Variants in TRPC4 observed in about 807,000 individuals in gnomAD.
TRPC4 encodes short transient receptor potential channel 4.
A neutral mutation model predicts 99.4 loss-of-function variants in TRPC4; 49 were observed. The ratio of observed to expected loss-of-function variants is 0.49; its 90% CI spans 0.39 to 0.63. TRPC4 has a LOEUF of 0.63. Among genes scored for constraint, TRPC4 ranks in the 20% least tolerant of loss-of-function variants. TRPC4 has a pLI of 0.00. For synonymous variants in TRPC4, 454 were observed against 425.9 expected (o/e 1.07, Z -0.81); for missense variants, 898 against 1,152.9 (o/e 0.78, Z 3.20).
At chr13:37,779,770 T>C (rs1704567359) in intron 2 of TRPC4, among the ~76,000 whole-genome samples, 1 of 152,098 alleles carries the variant, frequency 6.6e-6, no homozygotes, top group Non-Finnish European at 1.5e-5. Context: ...AAACTACGCA[T>C]GTCCAATTTG....
At position 37,637,436 on chromosome 13, in the gene TRPC4, T is replaced by C; in HGVS notation, c.2401A>G (p.Thr801Ala). 8 of 1,613,680 alleles carry C rather than the reference T, an allele frequency of 5.0e-6. No individual in the cohort carries two copies. Among genetic ancestry groups the C allele is most frequent in the Non-Finnish European group, 6.8e-6 (8 of 1,179,804 alleles). ...KKNFSLFDLT[T>A]LIHPRSAAIA... The stretch of plus-strand genomic sequence containing the variant: ...GCTGCTGATCTCGGATGAATCAGGG[T>C]GGTTAAATCAAAAAGGCTGAAATTC... Residue 801 changes from threonine (T) to alanine (A), a missense_variant, in exon 11 of 11, where the codon ACC becomes GCC. Coordinates refer to ENST00000379705, the MANE Select transcript of TRPC4 (RefSeq NM_016179.4).
chr13:37,656,254 G>A (rs1257908554), intron 6 of TRPC4, among the ~76,000 whole-genome samples: 1 of 152,116 alleles, frequency 6.6e-6, no homozygotes, highest in African/African-American at 2.4e-5. Context: ...ATAAAACGAT[G>A]ATAGAGATTT....
intron 3 of TRPC4, among the ~76,000 whole-genome samples, chr13:37,696,816 A>G (rs1454200889): frequency 6.6e-6 from 1 of 152,170 alleles, no homozygotes; most frequent in Non-Finnish European, 1.5e-5. Flanking sequence ...TGTCCAGAAT[A>G]CTTTTCAAAA....
intron 2 of TRPC4, among the ~76,000 whole-genome samples, chr13:37,751,321 C>A (rs1955926950): frequency 6.6e-6 from 1 of 151,766 alleles, no homozygotes; most frequent in African/African-American, 2.4e-5. Context: ...CTTTTACTTT[C>A]GAAGATGCTA....
chr13:37,734,339 T>G (rs867908813), intron 3 of TRPC4, among the ~76,000 whole-genome samples: 39 of 152,192 alleles, frequency 2.6e-4, no homozygotes, highest in African/African-American at 8.7e-4. Context: ...TTAGGAAACT[T>G]CTGAAAGAAA....
chr13:37,636,911 T>C lies in TRPC4; in HGVS notation c.2926A>G (p.Arg976Gly). Residue 976 changes from arginine to glycine, a missense_variant, in exon 11 of 11, where the codon AGA becomes GGA. This residue lies in a region of TRPC4 where 346 missense variants were observed against 351.4 expected (regional missense o/e 0.98). Transcript: ENST00000379705. ...GCTTCCTCCTTCAAGTATCACAATC[T>C]TGTGGTCACGTAATCTTCGTGGGTG... ...TVTHEDYVTT[R>G]L 6.2e-7 allele frequency: 1 copy of C among 1,610,132 alleles called. No homozygotes were observed. The highest frequency in any genetic ancestry group is 1.1e-5 in the South Asian group (1 of 90,632).
intron 2 of TRPC4, among the ~76,000 whole-genome samples, chr13:37,759,712 A>G (rs1355460216): frequency 6.6e-6 from 1 of 151,974 alleles, no homozygotes; most frequent in African/African-American, 2.4e-5. Flanking sequence ...CAAGTTTGAA[A>G]AGCTATGGAG....
chr13:37,691,298 G>T (rs1322174984), intron 4 of TRPC4, among the ~76,000 whole-genome samples: 3 of 152,098 alleles, frequency 2.0e-5, no homozygotes, highest in African/African-American at 7.2e-5. Context: ...TAGAGACGGG[G>T]TTTCACCGTG....
At chr13:37,792,275 G>A (rs1957141169) in intron 1 of TRPC4, among the ~76,000 whole-genome samples, 1 of 152,028 alleles carries the variant, frequency 6.6e-6, no homozygotes, top group African/African-American at 2.4e-5. Flanking sequence ...ACATTTTTTA[G>A]TTTATTAATG....
chr13:37,734,899 T>C (rs563812996), intron 3 of TRPC4, among the ~76,000 whole-genome samples: 2 of 152,124 alleles, frequency 1.3e-5, no homozygotes, highest in Admixed American at 6.5e-5. Context: ...TGGGCTTAGT[T>C]TGCTCCTTCT....
At chr13:37,853,896 A>G (rs1338617878) in intron 1 of TRPC4, among the ~76,000 whole-genome samples, 4 of 152,030 alleles carry the variant, frequency 2.6e-5, no homozygotes, top group Non-Finnish European at 5.9e-5. Flanking sequence ...CAGAAGAAAA[A>G]ATAATAAAAA....
chr13:37,749,254 C>T (rs908695773), intron 2 of TRPC4, among the ~76,000 whole-genome samples: 1 of 152,058 alleles, frequency 6.6e-6, no homozygotes, highest in African/African-American at 2.4e-5. Context: ...TTATAAATTA[C>T]CCAGTCTCAG....
intron 3 of TRPC4, among the ~76,000 whole-genome samples, chr13:37,728,388 A>C (rs1955131306): frequency 6.6e-6 from 1 of 152,094 alleles, no homozygotes; most frequent in Admixed American, 6.6e-5. Context: ...TCTATATATA[A>C]TCAAAGAGTA....
chr13:37,868,029 G>A (rs1007454094), intron 1 of TRPC4, among the ~76,000 whole-genome samples: 1 of 152,044 alleles, frequency 6.6e-6, no homozygotes, highest in African/African-American at 2.4e-5. Context: ...AGTATGAATC[G>A]ATTAAGGTTA....
At chr13:37,746,554 T>C (rs1955789602) in intron 2 of TRPC4, 99 bp from the exon 3 acceptor site, 6 of 1,335,056 alleles carry the variant, frequency 4.5e-6, no homozygotes, top group African/African-American at 1.6e-5. Flanking sequence ...AGGGTTTATA[T>C]GTCCTTGGCC....
At chr13:37,712,568 G>A (rs1247894938) in intron 3 of TRPC4, among the ~76,000 whole-genome samples, 8 of 152,092 alleles carry the variant, frequency 5.3e-5, no homozygotes, top group African/African-American at 1.7e-4. Context: ...AGTCAGTAAC[G>A]TTTCTGTATA....
intron 1 of TRPC4, among the ~76,000 whole-genome samples, chr13:37,821,190 C>CCACA (rs3086254): frequency 0.085 from 11,498 of 135,796 alleles, 650 homozygotes; most frequent in African/African-American, 0.16. Flanking sequence ...TTCACAATAG[C>CCACA]CACACACACA....
chr13:37,792,723 T>TTGTG (rs57918365), intron 1 of TRPC4, among the ~76,000 whole-genome samples: 2,391 of 146,616 alleles, frequency 0.016, 24 homozygotes, highest in East Asian at 0.072. Flanking sequence ...GCTTCTAAAT[T>TTGTG]TGTGTGTGTG....
intron 1 of TRPC4, among the ~76,000 whole-genome samples, chr13:37,829,250 T>C (rs2139584317): frequency 6.6e-6 from 1 of 152,246 alleles, no homozygotes; most frequent in Admixed American, 6.5e-5. Context: ...AAAGAACAAC[T>C]AAGCCTCAAA....
Sources: allele counts gnomAD v4.1 joint callset (sites outside exome capture counted in the v4.1 genomes callset), GRCh38; gene constraint gnomAD v4.1.1; regional missense constraint gnomAD v4.1.1; transcripts MANE v1.5; gene names NCBI Gene and HGNC (gene_info 2026-07-23, HGNC 2026-07-21).